Variants in CARD6 observed in about 807,000 individuals in gnomAD.
CARD6 encodes caspase recruitment domain-containing protein 6.
In CARD6, 27 loss-of-function variants were observed where a neutral mutation model predicts 23.6. The ratio of observed to expected loss-of-function variants is 1.14; its 90% CI spans 0.84 to 1.58. The LOEUF (loss-of-function observed/expected upper bound fraction) is 1.58, where lower values mean the gene tolerates loss of function less well. Ranked by LOEUF, CARD6 falls within the 40% of genes most tolerant of loss-of-function variation. The pLI, the probability that CARD6 is intolerant of heterozygous loss-of-function variation, is 0.00. For synonymous variants in CARD6, 397 were observed against 431.8 expected (o/e 0.92, Z 1.00); for missense variants, 1,214 against 1,209.9 (o/e 1.00, Z -0.05).
In CARD6 at chr5:40,852,735, C is replaced by A. The variant is rs1275421084; in HGVS notation, c.1403C>A (p.Ser468Tyr). ...CTAGGATACTGTAGCTTCTCTAAGT[C>A]CAGAATCCTCAACACACTTCTCAGC... ...VRLGYCSFSK[S>Y]RILNTLLSPA... Residue 468 changes from serine to tyrosine, a missense_variant, in exon 3 of 3, where the codon TCC becomes TAC. Coordinates refer to ENST00000254691, the MANE Select transcript of CARD6 (RefSeq NM_032587.4). The A allele has an allele frequency of 6.2e-7, 1 of 1,613,626 alleles. No homozygotes were observed. Among genetic ancestry groups the A allele is most frequent in the South Asian group, 1.1e-5 (1 of 90,998 alleles).
At position 40,843,641 on chromosome 5, in the gene CARD6, A is replaced by T; in HGVS notation, c.773A>T (p.Glu258Val). The T allele has an allele frequency of 6.3e-7, 1 of 1,588,440 alleles. No individual in the cohort carries two copies. The highest frequency in any genetic ancestry group is 8.5e-7 in the Non-Finnish European group (1 of 1,172,334). ...ENSETTEFSG[E>V]EPSYEGSETS... ...TCAGAAACCACAGAGTTCTCTGGTG[A>T]AGAACCAAGTTATGAGGGATCAGAA... The change falls in exon 2 of 3, where the codon GAA (glutamate) becomes GTA (valine). Residue 258 changes from glutamate (E) to valine (V), a missense_variant. Transcript: ENST00000254691.
chr5:40,843,340 A>C lies in CARD6; in HGVS notation c.472A>C (p.Thr158Pro). 1 of 1,614,200 alleles carries C rather than the reference A, an allele frequency of 6.2e-7. No individual in the cohort carries two copies. The highest frequency in any genetic ancestry group is 8.5e-7 in the Non-Finnish European group (1 of 1,180,032). Residue 158 changes from threonine (T) to proline (P), a missense_variant, in exon 2 of 3, where the codon ACA becomes CCA. Physicochemically the swap from Thr to Pro is conservative, Grantham distance 38. Coordinates refer to ENST00000254691, the MANE Select transcript of CARD6 (RefSeq NM_032587.4). The part of the protein sequence containing the change: ...FRDKKTSYRE[T>P]ALSARKNEKE... ...GGACAAGAAAACTAGTTATAGGGAAACAGCTTTGTCTGCCAGGAAGAATGA... is the reference window on the plus strand; with the variant it reads ...GGACAAGAAAACTAGTTATAGGGAACCAGCTTTGTCTGCCAGGAAGAATGA...
chr5:40,845,991 G>A (rs1376815317), intron 2 of CARD6, among the ~76,000 whole-genome samples: 3 of 151,330 alleles, frequency 2.0e-5, no homozygotes, highest in Non-Finnish European at 4.4e-5. Flanking sequence ...CTCTGGGCTT[G>A]TTTTCAGAAT....
chr5:40,852,633 A>G lies in CARD6; in HGVS notation c.1301A>G (p.Gln434Arg). 1.9e-6 allele frequency: 3 copies of G among 1,614,178 alleles called. No individual in the cohort carries two copies. Among genetic ancestry groups the G allele is most frequent in the South Asian group, 1.1e-5 (1 of 91,084 alleles). Residue 434 changes from glutamine to arginine, a missense_variant, in exon 3 of 3, where the codon CAG (glutamine) becomes CGG (arginine). Coordinates refer to ENST00000254691, the MANE Select transcript of CARD6 (RefSeq NM_032587.4). ...GACATTGTGAAGAAGCAGTCAACACAGTTTTCAGGGGGGCCTACAGAGGAT... is the reference window on the plus strand; with the variant it reads ...GACATTGTGAAGAAGCAGTCAACACGGTTTTCAGGGGGGCCTACAGAGGAT... ...MKDIVKKQST[Q>R]FSGGPTEDTE...
Position 40,852,457 on chromosome 5 carries a change from C to A in CARD6, c.1125C>A (p.Pro375=). 1 of 1,614,126 alleles carries A rather than the reference C, an allele frequency of 6.2e-7. No homozygotes were observed. The highest frequency in any genetic ancestry group is 8.5e-7 in the Non-Finnish European group (1 of 1,180,024). Residue 375 remains proline (P), a synonymous_variant, in exon 3 of 3, where the codon CCC becomes CCA. Transcript: ENST00000254691. ...LEIRDIQTIN[P]LDVLCATMLC... The stretch of plus-strand genomic sequence containing the variant: ...TTCGAGACATACAAACCATTAATCC[C>A]CTTGACGTGCTTTGTGCCACCATGC...
rs1179519485 is a variant in CARD6, at chr5:40,852,220, T to C, written c.888T>C (p.Asp296=). Residue 296 remains aspartate (D), a synonymous_variant, in exon 3 of 3, where the codon GAT becomes GAC. Transcript: ENST00000254691. Reference sequence around the variant, plus strand: ...ATGTCCTGTTATGTTTGAACATGGATAGAAGCAGAAAGGTTCTGCCAGATT... The same window carrying C: ...ATGTCCTGTTATGTTTGAACATGGACAGAAGCAGAAAGGTTCTGCCAGATT... ...FKDVLLCLNM[D]RSRKVLPDFV... The C allele has an allele frequency of 3.1e-6, 5 of 1,613,876 alleles. No individual in the cohort carries two copies. In the African/African-American group the frequency reaches 5.3e-5, roughly 17 times the overall value.
At position 40,843,729 on chromosome 5, in the gene CARD6, A is replaced by C; in HGVS notation, c.841+20A>C. The C allele has an allele frequency of 6.8e-7, 1 of 1,462,492 alleles. No homozygotes were observed. The highest frequency in any genetic ancestry group is 9.1e-7 in the Non-Finnish European group (1 of 1,100,228). The allele number at this position is 1,462,492 out of a possible 1,614,324, so 90.6% of individuals were successfully genotyped here. A position where few individuals can be genotyped will look rare whatever the true frequency, so the allele number is the denominator to read the frequency against. ...TAGAAGGTATGGAAATATCTTGTAT[A>C]GTTAGTTAGGCAACAACTTAATAAG... On this transcript the variant is annotated intron_variant, in intron 2 of 2. Coordinates refer to ENST00000254691, the MANE Select transcript of CARD6 (RefSeq NM_032587.4).
chr5:40,853,540 C>G lies in CARD6; in HGVS notation c.2208C>G (p.Thr736=). Residue 736 remains threonine (T), a synonymous_variant, in exon 3 of 3, where the codon ACC becomes ACG. Transcript: ENST00000254691. ...TAGAGAACTCCTGGCTCTTTCCAAC[C>G]AGAATTGGAGGTAACTTTAACCATG... ...PVLENSWLFP[T]RIGGNFNHVS... 1 of 1,614,170 alleles carries G rather than the reference C, an allele frequency of 6.2e-7. No individual in the cohort carries two copies.
intron 2 of CARD6, 69 bp from the exon 3 acceptor site, chr5:40,852,104 CA>C: frequency 3.0e-6 from 3 of 998,126 alleles, no homozygotes; most frequent in Admixed American, 2.4e-5. Context: ...GAGACTGTCT[CA>C]AAAAAAGAAG....
chr5:40,850,413 C>CAAAAAAAAAAAAA (rs70988813), intron 2 of CARD6, among the ~76,000 whole-genome samples: 1 of 36,594 alleles, frequency 2.7e-5, no homozygotes, highest in African/African-American at 1.4e-4. Flanking sequence ...CACTCCATCT[C>CAAAAAAAAAAAAA]AAAAAAAAAA....
At chr5:40,842,516 C>T (rs893398368) in intron 1 of CARD6, among the ~76,000 whole-genome samples, 6 of 152,182 alleles carry the variant, frequency 3.9e-5, no homozygotes, top group South Asian at 2.1e-4. Flanking sequence ...CCCCAAGAGA[C>T]GTGAGTCTGT....
Position 40,843,234 on chromosome 5 carries a change from A to T in CARD6, c.366A>T (p.Ile122=), listed in dbSNP as rs2112167107. 6.2e-7 allele frequency: 1 copy of T among 1,613,998 alleles called. No homozygotes were observed. Among genetic ancestry groups the T allele is most frequent in the South Asian group, 1.1e-5 (1 of 91,062 alleles). ...SNSEDAFSPG[I]KQPEAPEITV... is the part of the protein sequence containing the mutation. ...CAGAAGATGCTTTTTCTCCTGGAAT[A>T]AAACAGCCTGAAGCCCCTGAGATCA... Residue 122 remains isoleucine, a synonymous_variant, in exon 2 of 3, where the codon ATA becomes ATT. Coordinates refer to ENST00000254691, the MANE Select transcript of CARD6 (RefSeq NM_032587.4).
In CARD6 at chr5:40,853,676, AG is replaced by A. The variant is rs1746126689; in HGVS notation, c.2345del (p.Ser782IlefsTer19). The A allele has an allele frequency of 1.9e-6, 3 of 1,614,090 alleles. No homozygotes were observed. Among genetic ancestry groups the A allele is most frequent in the Non-Finnish European group, 2.5e-6 (3 of 1,180,052 alleles). ...QNAGAQGRGK[S>X]FGIQSFHPQI... is the part of the protein sequence containing the mutation. ...TGCAGGGGCCCAGGGCCGAGGTAAAAGTTTTGGTATTCAATCCTTCCATCCC... is the reference window on the plus strand; with the variant it reads ...TGCAGGGGCCCAGGGCCGAGGTAAAATTTTGGTATTCAATCCTTCCATCCC... On this transcript the variant is annotated frameshift_variant, in exon 3 of 3. Transcript: ENST00000254691. LOFTEE classifies it low-confidence loss of function (END_TRUNC).
chr5:40,853,963 GT>G lies in CARD6; in HGVS notation c.2633del (p.Leu878Ter), dbSNP rs1157060535. ...PQQACTRVTELTEATGKLIRT... is the reference protein window; with the variant it reads ...PQQACTRVTEXTEATGKLIRT... ...AGCAAGCTTGCACCAGGGTAACAGA[GT>G]TAACTGAAGCAACTGGAAAACTGAT... On this transcript the variant is annotated frameshift_variant, in exon 3 of 3. Coordinates refer to ENST00000254691, the MANE Select transcript of CARD6 (RefSeq NM_032587.4). LOFTEE classifies it low-confidence loss of function (END_TRUNC). 6.2e-7 allele frequency: 1 copy of G among 1,614,166 alleles called. No homozygotes were observed. Among genetic ancestry groups the G allele is most frequent in the East Asian group, 2.2e-5 (1 of 44,876 alleles).
chr5:40,845,057 G>A (rs1451002366), intron 2 of CARD6, among the ~76,000 whole-genome samples: 3 of 151,982 alleles, frequency 2.0e-5, no homozygotes, highest in Admixed American at 6.6e-5. Flanking sequence ...TAGTAGAGAC[G>A]AGGTTACACC....
At chr5:40,849,028 T>C (rs1017326338) in intron 2 of CARD6, among the ~76,000 whole-genome samples, 1 of 151,832 alleles carries the variant, frequency 6.6e-6, no homozygotes, top group Non-Finnish European at 1.5e-5. Flanking sequence ...TTTTTTGAGA[T>C]GACAGGCTGG....
chr5:40,852,423 A>C lies in CARD6; in HGVS notation c.1091A>C (p.Asn364Thr), dbSNP rs1219720826. Residue 364 changes from asparagine (N) to threonine (T), a missense_variant, in exon 3 of 3, where the codon AAT becomes ACT. Transcript: ENST00000254691. ...SKEDLLAGVENLEIRDIQTIN... is the reference protein window; with the variant it reads ...SKEDLLAGVETLEIRDIQTIN... ...GAGGATTTGCTGGCTGGAGTGGAGAATTTGGAAATTCGAGACATACAAACC... is the reference window on the plus strand; with the variant it reads ...GAGGATTTGCTGGCTGGAGTGGAGACTTTGGAAATTCGAGACATACAAACC... 1.2e-6 allele frequency: 2 copies of C among 1,614,022 alleles called. No homozygotes were observed. Among genetic ancestry groups the C allele is most frequent in the Admixed American group, 1.7e-5 (1 of 59,964 alleles).
Position 40,852,781 on chromosome 5 carries a change from C to T in CARD6, c.1449C>T (p.His483=). Residue 483 remains histidine (H), a synonymous_variant, in exon 3 of 3, where the codon CAC becomes CAT. Coordinates refer to ENST00000254691, the MANE Select transcript of CARD6 (RefSeq NM_032587.4). ...TLLSPAQLKL[H]KIFLHQDLPL... ...TCAGCCCTGCCCAGTTGAAATTACA[C>T]AAAATCTTTCTTCATCAAGATTTGC... is the stretch of plus-strand genomic sequence containing the variant. The T allele has an allele frequency of 1.9e-6, 3 of 1,614,184 alleles. No homozygotes were observed. Among genetic ancestry groups the T allele is most frequent in the Non-Finnish European group, 2.5e-6 (3 of 1,180,032 alleles).
rs1208653928 is a variant in CARD6 at position 40,855,162 on chromosome 5, C to T, written c.*716C>T. On this transcript the variant is annotated 3_prime_UTR_variant, in exon 3 of 3. Coordinates refer to ENST00000254691, the MANE Select transcript of CARD6 (RefSeq NM_032587.4). ...AAAGTATCTTAGTTGTTGGCTGCTCCAGAGGTATCTTTGTCAAAAGCTTCT... is the reference window on the plus strand; with the variant it reads ...AAAGTATCTTAGTTGTTGGCTGCTCTAGAGGTATCTTTGTCAAAAGCTTCT... The T allele has an allele frequency of 2.0e-5, 3 of 152,258 alleles. No individual in the cohort carries two copies. Among genetic ancestry groups the T allele is most frequent in the Non-Finnish European group, 4.4e-5 (3 of 68,036 alleles). The allele number at this position is 152,258 out of a possible 1,614,324, so 9.4% of individuals were successfully genotyped here. A position where few individuals can be genotyped will look rare whatever the true frequency, so the allele number is the denominator to read the frequency against.
Sources: allele counts gnomAD v4.1 joint callset (sites outside exome capture counted in the v4.1 genomes callset), GRCh38; gene constraint gnomAD v4.1.1; transcripts MANE v1.5; gene names NCBI Gene and HGNC (gene_info 2026-07-23, HGNC 2026-07-21).